The following AMPH variants were observed in gnomAD, a reference collection of about 807,000 sequenced individuals.
The protein encoded by AMPH is amphiphysin (Stiff-Mann syndrome with breast cancer 128kD autoantigen).
A neutral mutation model predicts 99.1 loss-of-function variants in AMPH; 49 were observed. That is an observed-to-expected ratio of 0.49 (90% CI 0.39 to 0.63). The LOEUF (loss-of-function observed/expected upper bound fraction) is 0.63. Among genes scored for constraint, AMPH ranks in the 20% least tolerant of loss-of-function variants. The pLI, the probability that AMPH is intolerant of heterozygous loss-of-function variation, is 0.00. For synonymous variants in AMPH, 314 were observed against 317.3 expected (o/e 0.99, Z 0.11); for missense variants, 759 against 863.4 (o/e 0.88, Z 1.52).
rs1211030595 is a variant in AMPH, at chr7:38,422,595, TATCTATCC to T, written c.1216-126_1216-119del. 1,145 of 766,598 alleles carry T rather than the reference TATCTATCC, an allele frequency of 1.5e-3. 14 individuals carry two copies. The Admixed American group carries it at 0.022, about 14-fold the overall frequency. 47.5% of individuals were successfully genotyped at this position (766,598 alleles called of 1,614,324 possible). A position where few individuals can be genotyped will look rare whatever the true frequency, so the allele number is the denominator to read the frequency against. ...CTATCTATCTATCTATCTATCTATC[TATCTATCC>T]ATCTATCTATCGACACTCTATCTAT... On this transcript the variant is annotated intron_variant, in intron 15 of 20. Transcript: ENST00000356264.
chr7:38,402,372 C>T (rs1784863088), intron 17 of AMPH, among the ~76,000 whole-genome samples: 1 of 151,994 alleles, frequency 6.6e-6, no homozygotes, highest in African/African-American at 2.4e-5. Context: ...ATTATTTTTT[C>T]TTTTGTATTG....
At chr7:38,498,532 C>A (rs996125127) in intron 3 of AMPH, among the ~76,000 whole-genome samples, 1 of 152,102 alleles carries the variant, frequency 6.6e-6, no homozygotes, top group Non-Finnish European at 1.5e-5. Context: ...AATAAATAAA[C>A]CTGCCACAAG....
At chr7:38,427,875 C>T in intron 14 of AMPH, 1 of 456,612 alleles carries the variant, frequency 2.2e-6, no homozygotes, top group Non-Finnish European at 4.4e-6. Context: ...GTACAACAAT[C>T]CATATCTCTG....
intron 16 of AMPH, chr7:38,420,955 T>C: frequency 2.2e-6 from 1 of 456,620 alleles, no homozygotes; most frequent in Non-Finnish European, 4.4e-6. Flanking sequence ...GGCGTTTTCT[T>C]GCTCCTGGGA....
chr7:38,417,815 TG>T lies in AMPH; in HGVS notation c.1398+9del, dbSNP rs1785436682. On this transcript the variant is annotated intron_variant, in intron 17 of 20. Coordinates refer to ENST00000356264, the MANE Select transcript of AMPH (RefSeq NM_001635.4). Reference sequence around the variant, plus strand: ...AGGCAGATGGAGGGTGAGAGGGAGGTGGTGCTCACCACTGCCTCCTCCACTG... The same window carrying T: ...AGGCAGATGGAGGGTGAGAGGGAGGTGTGCTCACCACTGCCTCCTCCACTG... 4 of 1,612,276 alleles carry T rather than the reference TG, an allele frequency of 2.5e-6. No individual in the cohort carries two copies. In the Admixed American group the frequency reaches 6.7e-5, roughly 27 times the overall value.
chr7:38,562,662 G>A (rs1051790095), intron 1 of AMPH, among the ~76,000 whole-genome samples: 1 of 151,742 alleles, frequency 6.6e-6, no homozygotes, highest in African/African-American at 2.4e-5. Flanking sequence ...AAAAGAGGGA[G>A]AAGAGGGGAG....
At chr7:38,548,610 T>G (rs888266158) in intron 1 of AMPH, among the ~76,000 whole-genome samples, 2 of 152,004 alleles carry the variant, frequency 1.3e-5, no homozygotes, top group African/African-American at 4.8e-5. Context: ...GGAGTGAGGT[T>G]AAGAGAGGAG....
At chr7:38,413,347 T>TA (rs1037776962) in intron 17 of AMPH, among the ~76,000 whole-genome samples, 17 of 139,964 alleles carry the variant, frequency 1.2e-4, no homozygotes, top group East Asian at 6.2e-4. Context: ...TTCCTAAATA[T>TA]AAAAAAAGCC....
chr7:38,568,975 T>C (rs1022649290), intron 1 of AMPH, among the ~76,000 whole-genome samples: 1 of 152,134 alleles, frequency 6.6e-6, no homozygotes, highest in Non-Finnish European at 1.5e-5. Flanking sequence ...AACTGATGCT[T>C]AGAGAGGCAC....
At chr7:38,447,309 A>G (rs2276539) in intron 11 of AMPH, among the ~76,000 whole-genome samples, 8,621 of 152,210 alleles carry the variant, frequency 0.057, 637 homozygotes, top group East Asian at 0.35. Flanking sequence ...ATGAGCTACC[A>G]CGCCCGGCCA....
intron 1 of AMPH, among the ~76,000 whole-genome samples, chr7:38,565,734 AC>A (rs1176404369): frequency 1.3e-5 from 2 of 152,158 alleles, no homozygotes; most frequent in Admixed American, 1.3e-4. Flanking sequence ...CACAATTCCC[AC>A]GTCAGTGGGA....
At chr7:38,490,938 C>T in intron 5 of AMPH, 112 bp downstream of exon 5, 3 of 651,740 alleles carry the variant, frequency 4.6e-6, no homozygotes, top group Non-Finnish European at 7.9e-6. Context: ...GAAAAGTTAC[C>T]AACTATCTTT....
At chr7:38,411,655 A>C (rs1223625533) in intron 17 of AMPH, among the ~76,000 whole-genome samples, 2 of 152,142 alleles carry the variant, frequency 1.3e-5, no homozygotes, top group African/African-American at 4.8e-5. Context: ...GGAGTGAGCC[A>C]GTAAGTAGAA....
intron 17 of AMPH, among the ~76,000 whole-genome samples, chr7:38,399,957 TAGG>T (rs1240869673): frequency 6.6e-6 from 1 of 152,190 alleles, no homozygotes; most frequent in African/African-American, 2.4e-5. Context: ...GTGCAGAAAC[TAGG>T]AGTATTGCTA....
At chr7:38,518,954 T>C (rs949599162) in intron 2 of AMPH, among the ~76,000 whole-genome samples, 5 of 152,236 alleles carry the variant, frequency 3.3e-5, no homozygotes, top group African/African-American at 1.2e-4. Flanking sequence ...CTTTAAGAGA[T>C]GATTAGGTCA....
chr7:38,465,379 G>C (rs750091939), intron 9 of AMPH, 88 bp downstream of exon 9: 3 of 1,143,500 alleles, frequency 2.6e-6, no homozygotes, highest in Non-Finnish European at 3.7e-6. Context: ...ACTTTTGTAG[G>C]ATAAATAAAA....
chr7:38,485,578 A>G (rs995489110), intron 5 of AMPH, among the ~76,000 whole-genome samples: 1 of 151,932 alleles, frequency 6.6e-6, no homozygotes, highest in Non-Finnish European at 1.5e-5. Flanking sequence ...AATTATAGAC[A>G]CAATATCAAC....
At chr7:38,551,529 A>G (rs74871323) in intron 1 of AMPH, among the ~76,000 whole-genome samples, 2,959 of 152,284 alleles carry the variant, frequency 0.019, 100 homozygotes, top group African/African-American at 0.068. Flanking sequence ...AGCATACAGT[A>G]TATTTAAATT....
intron 20 of AMPH, among the ~76,000 whole-genome samples, chr7:38,386,559 A>G (rs377224851): frequency 1.3e-5 from 2 of 152,336 alleles, no homozygotes; most frequent in African/African-American, 4.8e-5. Context: ...TGTGGTAGAA[A>G]AAGATTTCCT....
Sources: gnomAD v4.1 joint callset for allele counts (sites outside exome capture counted in the v4.1 genomes callset) on GRCh38, gnomAD v4.1.1 for gene constraint, MANE v1.5 for transcripts, NCBI Gene and HGNC (gene_info 2026-07-23, HGNC 2026-07-21) for gene names.